The following ZNF483 variants were observed in gnomAD, a reference collection of about 807,000 sequenced individuals.
ZNF483 encodes the protein zinc finger protein HIT-10.
In ZNF483, 9 loss-of-function variants were observed where a neutral mutation model predicts 28.6. That is an observed-to-expected ratio of 0.32 (90% CI 0.19 to 0.55). The LOEUF (loss-of-function observed/expected upper bound fraction) is 0.55, where lower values mean the gene tolerates loss of function less well. Among genes scored for constraint, ZNF483 ranks in the 20% least tolerant of loss-of-function variants. ZNF483 has a pLI of 0.93. For missense variants in ZNF483, 675 were observed against 871.7 expected, an observed-to-expected ratio of 0.77 and a Z score of 2.84; for synonymous variants, 322 against 306.2, an observed-to-expected ratio of 1.05 and a Z score of -0.54.
chr9:111,558,289 T>C (rs888572762), downstream of ZNF483, among the ~76,000 whole-genome samples: 7 of 152,214 alleles, frequency 4.6e-5, no homozygotes, highest in African/African-American at 1.7e-4. Flanking sequence ...GGAGCTCAAA[T>C]TTTCCATGAT....
intron 2 of ZNF483, among the ~76,000 whole-genome samples, chr9:111,528,191 T>C (rs1027650078): frequency 6.6e-6 from 1 of 152,160 alleles, no homozygotes; most frequent in African/African-American, 2.4e-5. Context: ...CTAGTTCCAT[T>C]GTGTGGACTA....
At chr9:111,557,390 ATGACT>A (rs965351564), downstream of ZNF483, among the ~76,000 whole-genome samples, 5 of 151,292 alleles carry the variant, frequency 3.3e-5, no homozygotes, top group Non-Finnish European at 5.9e-5. Context: ...AAAAAAAAAG[ATGACT>A]TGAACACATG....
exon 6 of ZNF483, chr9:111,576,648 G>A: frequency 2.0e-6 from 1 of 495,724 alleles, no homozygotes; most frequent in Non-Finnish European, 3.6e-6. Context: ...AAGGATTTCA[G>A]ATTATAGTCT....
intron 5 of ZNF483, among the ~76,000 whole-genome samples, chr9:111,560,713 G>A (rs1395966375): frequency 6.7e-6 from 1 of 148,460 alleles, no homozygotes; most frequent in Non-Finnish European, 1.5e-5. Context: ...GGAGGCCGAG[G>A]TGGCCGGATC....
At chr9:111,533,159 T>G (rs1348103147) in intron 3 of ZNF483, among the ~76,000 whole-genome samples, 1 of 152,222 alleles carries the variant, frequency 6.6e-6, no homozygotes, top group Non-Finnish European at 1.5e-5. Context: ...AATCATACCC[T>G]TCATTTAATA....
intron 5 of ZNF483, among the ~76,000 whole-genome samples, chr9:111,560,813 C>T (rs1353312359): frequency 2.8e-5 from 4 of 143,728 alleles, no homozygotes; most frequent in African/African-American, 7.8e-5. Flanking sequence ...CATGGTGGCT[C>T]ATGCCTGTAA....
At chr9:111,563,876 T>C (rs760791025) in intron 5 of ZNF483, 1 of 152,418 alleles carries the variant, frequency 6.6e-6, no homozygotes, top group Non-Finnish European at 1.5e-5. Flanking sequence ...GAGGTACAAA[T>C]AGACAGAGAA....
chr9:111,562,960 TC>T, intron 5 of ZNF483: 1 of 1,396,872 alleles, frequency 7.2e-7, no homozygotes, highest in Non-Finnish European at 9.3e-7. Context: ...CCATCCTCCA[TC>T]ACTAATTACA....
In ZNF483 at chr9:111,554,278, G is replaced by A. The variant is rs1016291737; in HGVS notation, c.*11108G>A. ...AAATGGCCATGGTACTACAGATCCT[G>A]TAACTAAGAAAGTCAACCTCTGTCT... On this transcript the variant is annotated 3_prime_UTR_variant, in exon 6 of 6. Coordinates refer to ENST00000309235, the MANE Select transcript of ZNF483 (RefSeq NM_133464.5). 5.3e-5 allele frequency among the ~76,000 whole-genome samples: 8 copies of A among 151,838 alleles called. No homozygotes were observed. The highest frequency in any genetic ancestry group is 2.1e-4 in the South Asian group (1 of 4,794).
At chr9:111,576,345 C>G in intron 5 of ZNF483, 1 of 1,613,714 alleles carries the variant, frequency 6.2e-7, no homozygotes, top group Non-Finnish European at 8.5e-7. Flanking sequence ...ACTCACTAAG[C>G]TTTCCCTGGT....
intron 2 of ZNF483, among the ~76,000 whole-genome samples, chr9:111,529,137 C>CAAAA (rs758539203): frequency 1.2e-5 from 1 of 83,948 alleles, no homozygotes; most frequent in Non-Finnish European, 3.0e-5. Context: ...AACTCCGTCT[C>CAAAA]AAAAAAAAAA....
Position 111,541,795 on chromosome 9 carries a change from A to G in ZNF483, c.860A>G (p.Gln287Arg), listed in dbSNP as rs1446549661. ...GGAAATTCAAAAGGAAGAGTCGCAC[A>G]AAACAAAACTCTTGGGAGTGGCAGT... is the stretch of plus-strand genomic sequence containing the variant. ...NQGNSKGRVA[Q>R]NKTLGSGSRG... is the part of the protein sequence containing the mutation. Residue 287 changes from glutamine (Q) to arginine (R), a missense_variant, in exon 6 of 6, where the codon CAA (glutamine) becomes CGA (arginine). Around this residue, in one of 6 missense-constraint regions of ZNF483, gnomAD observed 525 missense variants for 581.8 expected, o/e 0.90. Transcript: ENST00000309235. 3 of 1,614,222 alleles carry G rather than the reference A, an allele frequency of 1.9e-6. No homozygotes were observed. The highest frequency in any genetic ancestry group is 1.7e-5 in the Admixed American group (1 of 60,026).
chr9:111,550,847 A>G lies in ZNF483; in HGVS notation c.*7677A>G, dbSNP rs764041484. 2.0e-5 allele frequency among the ~76,000 whole-genome samples: 3 copies of G among 151,972 alleles called. No individual in the cohort carries two copies. The highest frequency in any genetic ancestry group is 4.4e-5 in the Non-Finnish European group (3 of 68,006). Reference sequence around the variant, plus strand: ...TAGGTGAAATATTTTTTCTCTGAGCATGTTAATTATAGTGTCTTTCTGTGT... The same window carrying G: ...TAGGTGAAATATTTTTTCTCTGAGCGTGTTAATTATAGTGTCTTTCTGTGT... On this transcript the variant is annotated 3_prime_UTR_variant, in exon 6 of 6. Transcript: ENST00000309235.
chr9:111,544,482 A>G lies in ZNF483; in HGVS notation c.*1312A>G. On this transcript the variant is annotated 3_prime_UTR_variant, in exon 6 of 6. Transcript: ENST00000309235. ...CACTGGGCTTTTATTTATGTAAAGC[A>G]CTCAGCTGGTCCTGGGTAGCAGCTG... 1 of 554,834 alleles carries G rather than the reference A, an allele frequency of 1.8e-6. No homozygotes were observed. Among genetic ancestry groups the G allele is most frequent in the Non-Finnish European group, 2.3e-6 (1 of 435,972 alleles). The allele number at this position is 554,834 out of a possible 1,614,324, so 34.4% of individuals were successfully genotyped here.
At position 111,548,208 on chromosome 9, in the gene ZNF483, T is replaced by C. The variant is rs951371484; in HGVS notation, c.*5038T>C. On this transcript the variant is annotated 3_prime_UTR_variant, in exon 6 of 6. Transcript: ENST00000309235. ...GTGGAAAATGGCATGAAGATTGGGC[T>C]TGCATTGAATTTGTAGATCGCTTTG... is the stretch of plus-strand genomic sequence containing the variant. Among the ~76,000 whole-genome samples the C allele has an allele frequency of 6.6e-6, 1 of 152,212 alleles. No homozygotes were observed. Among genetic ancestry groups the C allele is most frequent in the Non-Finnish European group, 1.5e-5 (1 of 68,026 alleles).
chr9:111,567,765 A>G (rs1194091810), intron 5 of ZNF483, among the ~76,000 whole-genome samples: 1 of 152,184 alleles, frequency 6.6e-6, no homozygotes, highest in East Asian at 1.9e-4. Context: ...AATTGTCTAT[A>G]GGGATGCAAA....
rs1356199285 is a variant in ZNF483, at chr9:111,553,134, A to G, written c.*9964A>G. Among the ~76,000 whole-genome samples, 1 of 152,236 alleles carries G rather than the reference A, an allele frequency of 6.6e-6. No homozygotes were observed. Among genetic ancestry groups the G allele is most frequent in the Non-Finnish European group, 1.5e-5 (1 of 68,044 alleles). On this transcript the variant is annotated 3_prime_UTR_variant, in exon 6 of 6. Coordinates refer to ENST00000309235, the MANE Select transcript of ZNF483 (RefSeq NM_133464.5). The stretch of plus-strand genomic sequence containing the variant: ...TTACACTCACTAAATGGTTGCTAAA[A>G]ATTACATGTCTTAAATATTGTCTTA...
chr9:111,558,537 A>C (rs985717171), downstream of ZNF483, among the ~76,000 whole-genome samples: 2 of 152,204 alleles, frequency 1.3e-5, no homozygotes, highest in Non-Finnish European at 2.9e-5. Flanking sequence ...AAATGTTGCA[A>C]GCTCATCTTG....
At position 111,547,716 on chromosome 9, in the gene ZNF483, C is replaced by G. The variant is rs2132270463; in HGVS notation, c.*4546C>G. The stretch of plus-strand genomic sequence containing the variant: ...TCTGGTCATACCCAAGAAACCATGG[C>G]CAAATCCAATGTCATGAAGCTTTTC... On this transcript the variant is annotated 3_prime_UTR_variant, in exon 6 of 6. Transcript: ENST00000309235. Among the ~76,000 whole-genome samples, 1 of 152,238 alleles carries G rather than the reference C, an allele frequency of 6.6e-6. No individual in the cohort carries two copies. Among genetic ancestry groups the G allele is most frequent in the African/African-American group, 2.4e-5 (1 of 41,566 alleles).
Sources: gnomAD v4.1 joint callset for allele counts (sites outside exome capture counted in the v4.1 genomes callset) on GRCh38, gnomAD v4.1.1 for gene constraint, gnomAD v4.1.1 regional missense constraint, MANE v1.5 for transcripts, NCBI Gene and HGNC (gene_info 2026-07-23, HGNC 2026-07-21) for gene names.